Variants in BYSL observed in about 807,000 individuals in gnomAD.
The protein encoded by BYSL is bystin.
Under a neutral mutation model 45.4 loss-of-function variants are expected in BYSL, and 21 were observed. The ratio of observed to expected loss-of-function variants is 0.46; its 90% CI spans 0.33 to 0.67. The LOEUF (loss-of-function observed/expected upper bound fraction) is 0.67, where lower values mean the gene tolerates loss of function less well. Ranked by LOEUF, BYSL falls within the 30% of genes least tolerant of loss-of-function variation. The pLI, the probability that BYSL is intolerant of heterozygous loss-of-function variation, is 0.02. For missense variants in BYSL, 522 were observed against 578.5 expected (o/e 0.90, Z 1.00); for synonymous variants, 215 against 231.3 (o/e 0.93, Z 0.64).
At chr6:41,922,720 C>A (rs1032840739) in intron 1 of BYSL, among the ~76,000 whole-genome samples, 1 of 152,170 alleles carries the variant, frequency 6.6e-6, no homozygotes, top group Admixed American at 6.5e-5. Flanking sequence ...ATAGTCTAGC[C>A]CTGATCTCTT....
In BYSL at chr6:41,927,484, C is replaced by G. The variant is rs747491919; in HGVS notation, c.379C>G (p.Pro127Ala). The G allele has an allele frequency of 7.4e-6, 12 of 1,613,950 alleles. No individual in the cohort carries two copies. In the Admixed American group the frequency reaches 2.0e-4, roughly 27 times the overall value. The change falls in exon 2 of 7, where the codon CCT (proline) becomes GCT (alanine). Residue 127 changes from proline to alanine, a missense_variant. Transcript: ENST00000230340. Reference sequence around the variant, plus strand: ...CCATCATGCAGAGGTGGTTGTGGACCCTGAGGATGAGCGTGCCATAGAGAT... The same window carrying G: ...CCATCATGCAGAGGTGGTTGTGGACGCTGAGGATGAGCGTGCCATAGAGAT... ...AGHHAEVVVD[P>A]EDERAIEMFM...
At chr6:41,912,053 CTTTTT>C in the BYSL span, among the ~76,000 whole-genome samples, 1 of 143,878 alleles carries the variant, frequency 7.0e-6, no homozygotes, top group East Asian at 2.0e-4. Context: ...TCCTTTTCTT[CTTTTT>C]TTTTTTTTGA....
chr6:41,919,077 C>G (rs1170547697), upstream of BYSL, among the ~76,000 whole-genome samples: 1 of 143,264 alleles, frequency 7.0e-6, no homozygotes, highest in Non-Finnish European at 1.5e-5. Flanking sequence ...TGCAGTGAGC[C>G]GAGATCACGC....
the BYSL span, among the ~76,000 whole-genome samples, chr6:41,915,960 G>A: frequency 2.9e-4 from 44 of 152,178 alleles, no homozygotes; most frequent in African/African-American, 1.0e-3. Context: ...CCTCAATAAA[G>A]CTTTAGCCAG....
chr6:41,917,113 T>A (rs993331849), upstream of BYSL, among the ~76,000 whole-genome samples: 16 of 151,996 alleles, frequency 1.1e-4, no homozygotes, highest in Non-Finnish European at 2.9e-5. Flanking sequence ...TTAAAAAAAA[T>A]TTTTTTGGCC....
At chr6:41,915,789 A>AAAACACACACACACACACAC in the BYSL span, among the ~76,000 whole-genome samples, 1 of 148,592 alleles carries the variant, frequency 6.7e-6, no homozygotes, top group Non-Finnish European at 1.5e-5. Context: ...TCCGTCTCAA[A>AAAACACACACACACACACAC]ACACACACAC....
upstream of BYSL, among the ~76,000 whole-genome samples, chr6:41,918,110 C>A (rs544587555): frequency 3.3e-5 from 5 of 152,308 alleles, no homozygotes; most frequent in South Asian, 4.1e-4. Context: ...CAACTGCCAA[C>A]CAACAACGTG....
At chr6:41,917,008 C>T, upstream of BYSL, 1 of 1,562,702 alleles carries the variant, frequency 6.4e-7, no homozygotes. Context: ...CATTCACTCG[C>T]CCACAGCATC....
At position 41,930,740 on chromosome 6, in the gene BYSL, A is replaced by AC. The variant is rs779387485; in HGVS notation, c.677dup (p.Ala227CysfsTer14). ...CTACGTCACAGAGCCGGAGGCCTGG[A>AC]CTGCAGCTGCCATGTACCAGGCCAC... is the stretch of plus-strand genomic sequence containing the variant. On this transcript the variant is annotated frameshift_variant, in exon 4 of 7. Coordinates refer to ENST00000230340, the MANE Select transcript of BYSL (RefSeq NM_004053.4). LOFTEE classifies it high-confidence loss of function. 3 of 1,613,880 alleles carry AC rather than the reference A, an allele frequency of 1.9e-6. No individual in the cohort carries two copies. In the African/African-American group the frequency reaches 4.0e-5, roughly 22 times the overall value.
chr6:41,909,765 A>G, the BYSL span, among the ~76,000 whole-genome samples: 1 of 152,240 alleles, frequency 6.6e-6, no homozygotes, highest in East Asian at 1.9e-4. Context: ...AGGGGCACAC[A>G]GGGAACTTTA....
At chr6:41,926,623 G>A (rs544968436) in intron 1 of BYSL, among the ~76,000 whole-genome samples, 72 of 151,090 alleles carry the variant, frequency 4.8e-4, no homozygotes, top group Non-Finnish European at 9.0e-4. Context: ...GCTAATTTTT[G>A]TATTTTTAGT....
intron 1 of BYSL, among the ~76,000 whole-genome samples, chr6:41,926,395 C>CTTAT (rs550225357): frequency 0.014 from 2,151 of 151,864 alleles, 29 homozygotes; most frequent in South Asian, 0.061. Context: ...TGGGTTTATT[C>CTTAT]TTATTTATTT....
At chr6:41,910,598 C>G in the BYSL span, among the ~76,000 whole-genome samples, 1,959 of 149,026 alleles carry the variant, frequency 0.013, 27 homozygotes, top group South Asian at 0.062. Flanking sequence ...TGTCACTGCA[C>G]TCCAGTCTGG....
intron 1 of BYSL, among the ~76,000 whole-genome samples, 187 bp downstream of exon 1, chr6:41,922,017 A>G (rs1210364706): frequency 6.6e-6 from 1 of 152,126 alleles, no homozygotes; most frequent in Admixed American, 6.5e-5. Flanking sequence ...TCCCTTCTAG[A>G]CACCCCCGAA....
At chr6:41,909,274 C>T in the BYSL span, 2 of 1,613,958 alleles carry the variant, frequency 1.2e-6, no homozygotes, top group Non-Finnish European at 1.7e-6. Context: ...CTTACCTCCA[C>T]AGAGATGCCC....
In BYSL at chr6:41,925,085, G is replaced by A. The variant is rs147613777; in HGVS notation, c.269-2289G>A. Among the ~76,000 whole-genome samples the A allele has an allele frequency of 1.4e-4, 21 of 152,176 alleles. No individual in the cohort carries two copies. The East Asian group carries it at 3.7e-3, about 27-fold the overall frequency. On this transcript the variant is annotated intron_variant, in intron 1 of 6. Coordinates refer to ENST00000230340, the MANE Select transcript of BYSL (RefSeq NM_004053.4). ...TAGTTGATAACGGGTGAGATTTGAGGTGCCTGTGAGTCATCCAAGAGCAGC... is the reference window on the plus strand; with the variant it reads ...TAGTTGATAACGGGTGAGATTTGAGATGCCTGTGAGTCATCCAAGAGCAGC...
upstream of BYSL, chr6:41,921,120 A>G: frequency 1.4e-6 from 2 of 1,478,078 alleles, no homozygotes; most frequent in Non-Finnish European, 1.9e-6. Context: ...CTTCTGTCTC[A>G]GAAGGGACTC....
At chr6:41,929,045 G>A (rs934527843) in intron 2 of BYSL, among the ~76,000 whole-genome samples, 10 of 152,246 alleles carry the variant, frequency 6.6e-5, no homozygotes, top group Non-Finnish European at 1.2e-4. Context: ...GGGATTACAG[G>A]CACGTACCAC....
rs138882886 is a variant in BYSL, at chr6:41,921,574, C to T, written c.12C>T (p.Phe4=). 3.8e-6 allele frequency: 6 copies of T among 1,573,822 alleles called. No individual in the cohort carries two copies. The African/African-American group carries it at 8.2e-5, about 21-fold the overall frequency. Residue 4 remains phenylalanine, a synonymous_variant, in exon 1 of 7, where the codon TTC becomes TTT. Coordinates refer to ENST00000230340, the MANE Select transcript of BYSL (RefSeq NM_004053.4). The part of the protein sequence containing the change: MPK[F]KAARGVGGQE... The stretch of plus-strand genomic sequence containing the variant: ...CTTTTTCGAGAAAAATGCCCAAATT[C>T]AAGGCGGCCCGTGGGGTGGGGGGTC...
Sources: allele counts gnomAD v4.1 joint callset (sites outside exome capture counted in the v4.1 genomes callset), GRCh38; gene constraint gnomAD v4.1.1; transcripts MANE v1.5; gene names NCBI Gene and HGNC (gene_info 2026-07-23, HGNC 2026-07-21).